The following CABIN1 variants were observed in gnomAD, a reference collection of about 807,000 sequenced individuals.
The protein encoded by CABIN1 is calcineurin-binding protein cabin-1.
CABIN1 carries 133 observed loss-of-function variants against 227.7 expected under a neutral mutation model. That is an observed-to-expected ratio of 0.58 (90% confidence interval 0.51 to 0.67). CABIN1 has a LOEUF of 0.67. Among genes scored for constraint, CABIN1 ranks in the 30% least tolerant of loss-of-function variants. CABIN1 has a pLI of 0.00. For synonymous variants in CABIN1, 1,086 were observed against 1,155.1 expected (o/e 0.94, Z 1.21); for missense variants, 2,408 against 2,852.5 (o/e 0.84, Z 3.55).
At chr22:24,117,551 G>C (rs1262940720) in intron 27 of CABIN1, among the ~76,000 whole-genome samples, 3 of 151,744 alleles carry the variant, frequency 2.0e-5, no homozygotes, top group African/African-American at 4.8e-5. Flanking sequence ...TTTTTGGGGG[G>C]GGGGTTAGGT....
intron 29 of CABIN1, among the ~76,000 whole-genome samples, chr22:24,163,600 C>T (rs538546847): frequency 1.3e-5 from 2 of 152,304 alleles, no homozygotes; most frequent in East Asian, 3.9e-4. Context: ...TTATTCCAGG[C>T]CCCTGAGGTC....
At chr22:24,040,605 AG>A (rs1304142120) in intron 4 of CABIN1, among the ~76,000 whole-genome samples, 1 of 152,190 alleles carries the variant, frequency 6.6e-6, no homozygotes, top group Non-Finnish European at 1.5e-5. Context: ...TTTGCTATTT[AG>A]GGTAGGAATT....
chr22:24,125,886 C>A (rs189030511), intron 28 of CABIN1, among the ~76,000 whole-genome samples: 1 of 152,214 alleles, frequency 6.6e-6, no homozygotes, highest in Non-Finnish European at 1.5e-5. Flanking sequence ...TTTGAAGATT[C>A]TACTGGGCCC....
At chr22:24,042,028 T>C (rs2037417135) in intron 5 of CABIN1, among the ~76,000 whole-genome samples, 1 of 152,238 alleles carries the variant, frequency 6.6e-6, no homozygotes, top group South Asian at 2.1e-4. Flanking sequence ...CAGGGCTCAC[T>C]GCAGCCTCGA....
chr22:24,156,945 C>T (rs1223441610), intron 29 of CABIN1, among the ~76,000 whole-genome samples: 2 of 152,280 alleles, frequency 1.3e-5, no homozygotes, highest in African/African-American at 4.8e-5. Flanking sequence ...GAGCGGGCGC[C>T]AGCTGCAGGC....
At chr22:24,116,638 TC>T (rs1267671977) in intron 27 of CABIN1, among the ~76,000 whole-genome samples, 3 of 152,218 alleles carry the variant, frequency 2.0e-5, no homozygotes, top group African/African-American at 7.2e-5. Flanking sequence ...AGACTTGAGG[TC>T]CTTGCTGGGG....
intron 29 of CABIN1, among the ~76,000 whole-genome samples, chr22:24,143,851 C>T (rs1257778005): frequency 6.6e-6 from 1 of 152,194 alleles, no homozygotes; most frequent in Non-Finnish European, 1.5e-5. Flanking sequence ...TCAGAGGCCT[C>T]GCTCTTCCCC....
intron 1 of CABIN1, among the ~76,000 whole-genome samples, chr22:24,033,440 A>G (rs2036636844): frequency 6.6e-6 from 1 of 152,328 alleles, no homozygotes; most frequent in Non-Finnish European, 1.5e-5. Flanking sequence ...CTGGGATTAC[A>G]TGAGCCACTG....
At chr22:24,022,125 T>A (rs1467081968) in intron 1 of CABIN1, among the ~76,000 whole-genome samples, 2 of 152,368 alleles carry the variant, frequency 1.3e-5, no homozygotes, top group African/African-American at 2.4e-5. Context: ...AGAATTTTTT[T>A]ATACTTATTA....
chr22:24,013,262 T>A (rs1020976284), intron 1 of CABIN1, among the ~76,000 whole-genome samples: 2 of 140,676 alleles, frequency 1.4e-5, no homozygotes, highest in Admixed American at 1.6e-4. Flanking sequence ...AGTGGTGCGA[T>A]CTCGCCTCAC....
At chr22:24,062,346 ATTTTT>A (rs35757164) in intron 13 of CABIN1, among the ~76,000 whole-genome samples, 2 of 96,536 alleles carry the variant, frequency 2.1e-5, no homozygotes, top group Admixed American at 1.0e-4. Context: ...GGTGATACGG[ATTTTT>A]TTTTTTTTTT....
chr22:24,062,131 C>T (rs768685838), intron 13 of CABIN1, 106 bp downstream of exon 13: 3 of 896,802 alleles, frequency 3.3e-6, no homozygotes, highest in Non-Finnish European at 5.4e-6. Context: ...CTTATATCTA[C>T]AGTAGGCACA....
rs966007635 is a variant in CABIN1, at chr22:24,178,250, G to T, written c.*54G>T. On this transcript the variant is annotated 3_prime_UTR_variant, in exon 37 of 37. Coordinates refer to ENST00000263119, the MANE Select transcript of CABIN1 (RefSeq NM_012295.4). ...CCAGGGGACCAGCCAGGCCTGGAATGCCCCCTGGGCAGGACCCTGGGCAGG... is the reference window on the plus strand; with the variant it reads ...CCAGGGGACCAGCCAGGCCTGGAATTCCCCCTGGGCAGGACCCTGGGCAGG... The T allele has an allele frequency of 1.9e-6, 3 of 1,606,762 alleles. No homozygotes were observed. In the Admixed American group the frequency reaches 5.0e-5, roughly 27 times the overall value.
chr22:24,157,874 TCTC>T (rs1488453670), intron 29 of CABIN1, among the ~76,000 whole-genome samples: 5 of 152,070 alleles, frequency 3.3e-5, no homozygotes, highest in Admixed American at 2.6e-4. Flanking sequence ...AGGCCCCTAA[TCTC>T]CTCTCCCAGC....
At chr22:24,165,358 A>T (rs949225354) in intron 30 of CABIN1, among the ~76,000 whole-genome samples, 172 bp from the exon 31 acceptor site, 1 of 152,184 alleles carries the variant, frequency 6.6e-6, no homozygotes, top group African/African-American at 2.4e-5. Flanking sequence ...CTCTGGATAG[A>T]GGGAGCTCAG....
intron 28 of CABIN1, among the ~76,000 whole-genome samples, chr22:24,133,890 A>C (rs1192203960): frequency 6.6e-6 from 1 of 152,188 alleles, no homozygotes; most frequent in African/African-American, 2.4e-5. Flanking sequence ...CCGAGCCTAA[A>C]GCAGCTGTAC....
intron 6 of CABIN1, among the ~76,000 whole-genome samples, chr22:24,047,207 G>T (rs577207840): frequency 3.9e-5 from 6 of 152,288 alleles, no homozygotes; most frequent in African/African-American, 1.4e-4. Flanking sequence ...AGCCCTGATA[G>T]ATTTGACAGT....
chr22:24,113,299 C>T (rs1337192848), intron 26 of CABIN1, among the ~76,000 whole-genome samples: 1 of 152,226 alleles, frequency 6.6e-6, no homozygotes, highest in African/African-American at 2.4e-5. Context: ...TTCTTTTTCC[C>T]TGAGAGCCAG....
chr22:24,145,110 G>A lies in CABIN1; in HGVS notation c.4746+10695G>A, dbSNP rs150194412. Among the ~76,000 whole-genome samples the A allele has an allele frequency of 3.9e-5, 6 of 152,328 alleles. No individual in the cohort carries two copies. The East Asian group carries it at 7.7e-4, about 20-fold the overall frequency. On this transcript the variant is annotated intron_variant, in intron 29 of 36. Transcript: ENST00000263119. ...CCACATGCACATCAGGGAGGGCCTC[G>A]CAGAGTTGCATGCTATACGCAGTGG...
Sources: gnomAD v4.1 joint callset for allele counts (sites outside exome capture counted in the v4.1 genomes callset) on GRCh38, gnomAD v4.1.1 for gene constraint, MANE v1.5 for transcripts, NCBI Gene and HGNC (gene_info 2026-07-23, HGNC 2026-07-21) for gene names.